TMTC1: variants seen among roughly 807,000 people sequenced by gnomAD.
The protein encoded by TMTC1 is protein O-mannosyl-transferase TMTC1.
A neutral mutation model predicts 104.8 loss-of-function variants in TMTC1; 73 were observed. The observed-to-expected ratio is 0.70, with a 90% CI of 0.58 to 0.85. The LOEUF (loss-of-function observed/expected upper bound fraction) is 0.85. Among genes scored for constraint, TMTC1 ranks in the 40% least tolerant of loss-of-function variants. TMTC1 has a pLI of 0.00. For synonymous variants in TMTC1, 434 were observed against 428.7 expected (o/e 1.01, Z -0.15); for missense variants, 1,035 against 1,096.1 (o/e 0.94, Z 0.79).
At chr12:29,714,856 C>T (rs1411585383) in intron 5 of TMTC1, among the ~76,000 whole-genome samples, 1 of 152,212 alleles carries the variant, frequency 6.6e-6, no homozygotes, top group African/African-American at 2.4e-5. Context: ...TGCATCAGGG[C>T]CACACAAAGA....
intron 6 of TMTC1, among the ~76,000 whole-genome samples, chr12:29,629,298 C>T (rs1221526902): frequency 1.3e-5 from 2 of 150,990 alleles, no homozygotes; most frequent in Non-Finnish European, 2.9e-5. Flanking sequence ...CCAGCCTGGG[C>T]AACAGAGAGA....
At chr12:29,779,138 G>C (rs1393477198) in intron 1 of TMTC1, among the ~76,000 whole-genome samples, 1 of 152,226 alleles carries the variant, frequency 6.6e-6, no homozygotes, top group Non-Finnish European at 1.5e-5. Flanking sequence ...CACTGGAGGA[G>C]CTGAGGGCCT....
At chr12:29,534,899 G>C (rs1944601028) in intron 11 of TMTC1, 1 of 152,136 alleles carries the variant, frequency 6.6e-6, no homozygotes, top group Admixed American at 6.5e-5. Flanking sequence ...ATGATGGGCT[G>C]CGGAAGGTTC....
At position 29,604,185 on chromosome 12, in the gene TMTC1, T is replaced by C. The variant is rs761661784; in HGVS notation, c.1243A>G (p.Met415Val). 2.5e-6 allele frequency: 4 copies of C among 1,613,548 alleles called. No homozygotes were observed. Among genetic ancestry groups the C allele is most frequent in the East Asian group, 2.2e-5 (1 of 44,844 alleles). Reference protein sequence around the residue: ...GFVVAERVLYMPSMGYCILFV... With the variant: ...GFVVAERVLYVPSMGYCILFV... Reference sequence around the variant, plus strand: ...GTCACGTGCAATAGTTACCTAGGCATGTAAAGGACTCTCTCCGCCACCACA... The same window carrying C: ...GTCACGTGCAATAGTTACCTAGGCACGTAAAGGACTCTCTCCGCCACCACA... Residue 415 changes from methionine to valine, a missense_variant, in exon 7 of 18, where the codon ATG (methionine) becomes GTG (valine). Transcript: ENST00000539277.
intron 6 of TMTC1, among the ~76,000 whole-genome samples, chr12:29,628,718 G>A (rs1938135357): frequency 6.6e-6 from 1 of 152,094 alleles, no homozygotes; most frequent in Admixed American, 6.6e-5. Context: ...GCTGGAGTAA[G>A]TGGTGCGATC....
In TMTC1 at chr12:29,691,144, T is replaced by C. The variant is rs533380836; in HGVS notation, c.939-57808A>G. Among the ~76,000 whole-genome samples the C allele has an allele frequency of 4.6e-5, 7 of 152,334 alleles. No homozygotes were observed. The East Asian group carries it at 1.4e-3, about 29-fold the overall frequency. ...GGTTTAGGAGTCATGCAGCCTTTGCTGCAAGAGTCTGAACCTCCCCAAATT... is the reference window on the plus strand; with the variant it reads ...GGTTTAGGAGTCATGCAGCCTTTGCCGCAAGAGTCTGAACCTCCCCAAATT... On this transcript the variant is annotated intron_variant, in intron 5 of 17. Coordinates refer to ENST00000539277, the MANE Select transcript of TMTC1 (RefSeq NM_001193451.2).
intron 5 of TMTC1, among the ~76,000 whole-genome samples, chr12:29,668,618 G>A (rs187362212): frequency 1.3e-5 from 2 of 152,072 alleles, no homozygotes; most frequent in Admixed American, 6.5e-5. Context: ...ATGCCACCAT[G>A]CCTGGCTAAT....
rs1413692523 is a variant in TMTC1, at chr12:29,621,093, T to C, written c.1128+12054A>G. Among the ~76,000 whole-genome samples the C allele has an allele frequency of 2.0e-5, 3 of 152,194 alleles. No individual in the cohort carries two copies. The East Asian group carries it at 5.8e-4, about 29-fold the overall frequency. ...TTGAGGTTACAAAAAGAATAGAGAA[T>C]GTGCTGTTTGCAAAGAATGGGAACT... is the stretch of plus-strand genomic sequence containing the variant. On this transcript the variant is annotated intron_variant, in intron 6 of 17. Transcript: ENST00000539277.
chr12:29,665,906 T>G (rs1940257123), intron 5 of TMTC1, among the ~76,000 whole-genome samples: 1 of 152,158 alleles, frequency 6.6e-6, no homozygotes, highest in Non-Finnish European at 1.5e-5. Flanking sequence ...CCCTTATTCA[T>G]GATGTTTTCT....
intron 5 of TMTC1, among the ~76,000 whole-genome samples, chr12:29,633,671 G>C (rs1424008961): frequency 1.3e-5 from 2 of 152,164 alleles, no homozygotes; most frequent in Non-Finnish European, 2.9e-5. Context: ...CATTTGAACT[G>C]TCCCTTCTTA....
chr12:29,597,225 C>CTT (rs1944745198), intron 7 of TMTC1, among the ~76,000 whole-genome samples: 1 of 141,632 alleles, frequency 7.1e-6, no homozygotes, highest in African/African-American at 2.8e-5. Flanking sequence ...TTTTCTTTTT[C>CTT]TTTCTTTCTT....
intron 8 of TMTC1, among the ~76,000 whole-genome samples, chr12:29,574,681 A>G (rs377691573): frequency 9.9e-5 from 15 of 152,190 alleles, no homozygotes; most frequent in South Asian, 6.2e-4. Context: ...ACACAGACAG[A>G]GAAAGCTCTG....
intron 6 of TMTC1, among the ~76,000 whole-genome samples, chr12:29,625,613 A>G (rs1221654409): frequency 1.3e-5 from 2 of 152,242 alleles, no homozygotes; most frequent in Non-Finnish European, 2.9e-5. Flanking sequence ...AGGATGCATT[A>G]AAGTGATTTT....
chr12:29,612,927 T>C (rs1318286787), intron 6 of TMTC1, among the ~76,000 whole-genome samples: 1 of 152,210 alleles, frequency 6.6e-6, no homozygotes, highest in East Asian at 1.9e-4. Context: ...GTAAGGAAAG[T>C]GAAGGAGCAT....
chr12:29,672,699 A>T (rs1234584392), intron 5 of TMTC1, among the ~76,000 whole-genome samples: 1 of 152,092 alleles, frequency 6.6e-6, no homozygotes, highest in Admixed American at 6.6e-5. Flanking sequence ...AACGACAATA[A>T]ATCCAGAAGC....
intron 1 of TMTC1, among the ~76,000 whole-genome samples, chr12:29,769,775 T>C (rs1218220575): frequency 6.6e-6 from 1 of 152,110 alleles, no homozygotes; most frequent in African/African-American, 2.4e-5. Flanking sequence ...ATCTGATCGG[T>C]AGGTGTCCAA....
chr12:29,693,562 T>C (rs1230030218), intron 5 of TMTC1, among the ~76,000 whole-genome samples: 1 of 152,178 alleles, frequency 6.6e-6, no homozygotes, highest in Admixed American at 6.5e-5. Context: ...TAATAACTAC[T>C]ATTCTACTGT....
chr12:29,537,565 T>G (rs61923874), intron 10 of TMTC1, among the ~76,000 whole-genome samples: 14,437 of 152,216 alleles, frequency 0.095, 897 homozygotes, highest in Middle Eastern at 0.15. Flanking sequence ...TAGACCTGTT[T>G]CAGCAACATC....
chr12:29,724,178 A>T (rs1209757412), intron 5 of TMTC1, among the ~76,000 whole-genome samples: 1 of 152,352 alleles, frequency 6.6e-6, no homozygotes, highest in East Asian at 1.9e-4. Context: ...GTAATTAGGG[A>T]AAAACAAATT....
Sources: allele counts gnomAD v4.1 joint callset (sites outside exome capture counted in the v4.1 genomes callset), GRCh38; gene constraint gnomAD v4.1.1; transcripts MANE v1.5; gene names NCBI Gene and HGNC (gene_info 2026-07-23, HGNC 2026-07-21).